The following GTF3C1 variants were observed in gnomAD, a reference collection of about 807,000 sequenced individuals.
GTF3C1 encodes general transcription factor 3C polypeptide 1.
GTF3C1 carries 57 observed loss-of-function variants against 226.7 expected under a neutral mutation model. That is an observed-to-expected ratio of 0.25 (90% CI 0.20 to 0.31). The LOEUF is 0.31. Among genes scored for constraint, GTF3C1 ranks in the 10% least tolerant of loss-of-function variants. GTF3C1 has a pLI of 1.00. For missense variants in GTF3C1, 2,217 were observed against 2,776.1 expected (o/e 0.80, Z 4.53); for synonymous variants, 1,090 against 1,084.8 (o/e 1.00, Z -0.09).
chr16:27,548,344 T>C (rs1159972367), intron 1 of GTF3C1, among the ~76,000 whole-genome samples: 1 of 152,210 alleles, frequency 6.6e-6, no homozygotes, highest in Non-Finnish European at 1.5e-5. Context: ...CTCAGCTCAC[T>C]GAAACCTCTG....
intron 6 of GTF3C1, among the ~76,000 whole-genome samples, chr16:27,514,268 C>G (rs1249811976): frequency 6.6e-6 from 1 of 152,246 alleles, no homozygotes; most frequent in Admixed American, 6.5e-5. Context: ...GGGCTCCTGC[C>G]GTCCCTCTTG....
intron 24 of GTF3C1, among the ~76,000 whole-genome samples, chr16:27,485,561 G>T (rs546137164): frequency 1.3e-5 from 2 of 152,336 alleles, no homozygotes; most frequent in East Asian, 3.9e-4. Context: ...GCAGGCCAGG[G>T]TTAGACTACT....
intron 6 of GTF3C1, among the ~76,000 whole-genome samples, chr16:27,519,084 G>A (rs1354083949): frequency 1.3e-5 from 2 of 152,138 alleles, no homozygotes; most frequent in Admixed American, 6.5e-5. Context: ...GACAGGATGG[G>A]GCTAGGCAGG....
rs763054889 is a variant in GTF3C1 at position 27,464,388 on chromosome 16, A to C, written c.5804T>G (p.Phe1935Cys). Residue 1935 changes from phenylalanine (F) to cysteine (C), a missense_variant, in exon 34 of 37, where the codon TTC (phenylalanine) becomes TGC (cysteine). This residue lies in a region of GTF3C1 where 455 missense variants were observed against 441.9 expected (regional missense o/e 1.03). Coordinates refer to ENST00000356183, the MANE Select transcript of GTF3C1 (RefSeq NM_001520.4). Reference sequence around the variant, plus strand: ...CAGCTGCTCTTGGCCTGGGGAACTGAACTCACCGACACCCTCTTGGTCTTC... The same window carrying C: ...CAGCTGCTCTTGGCCTGGGGAACTGCACTCACCGACACCCTCTTGGTCTTC... Reference protein sequence around the residue: ...AQEDQEGVGEFSSPGQEQLSG... With the variant: ...AQEDQEGVGECSSPGQEQLSG... 2 of 1,592,772 alleles carry C rather than the reference A, an allele frequency of 1.3e-6. 1 individual carries two copies. Among genetic ancestry groups the C allele is most frequent in the South Asian group, 2.3e-5 (2 of 87,766 alleles).
chr16:27,503,343 C>A (rs910461002), intron 10 of GTF3C1, among the ~76,000 whole-genome samples: 1 of 152,316 alleles, frequency 6.6e-6, no homozygotes, highest in South Asian at 2.1e-4. Context: ...AACTGATGTA[C>A]AGACAATTAC....
chr16:27,528,746 AC>A (rs1392805948), intron 5 of GTF3C1, 25 bp from the exon 6 acceptor site: 1 of 1,607,738 alleles, frequency 6.2e-7, no homozygotes, highest in African/African-American at 1.3e-5. Context: ...TTTAAAGGCT[AC>A]TATTAGACAC....
At chr16:27,504,942 TTAATTAAAAAAA>T (rs2088461386) in intron 10 of GTF3C1, among the ~76,000 whole-genome samples, 1 of 151,896 alleles carries the variant, frequency 6.6e-6, no homozygotes, top group South Asian at 2.1e-4. Context: ...AAAAAATTAA[TTAATTAAAAAAA>T]TACATAAAGA....
Position 27,492,784 on chromosome 16 carries a change from G to T in GTF3C1, c.2877-71C>A. The T allele has an allele frequency of 1.2e-6, 1 of 862,938 alleles. No homozygotes were observed. Among genetic ancestry groups the T allele is most frequent in the South Asian group, 1.3e-5 (1 of 75,792 alleles). 53.5% of individuals were successfully genotyped at this position (862,938 alleles called of 1,614,324 possible). A position where few individuals can be genotyped will look rare whatever the true frequency, so the allele number is the denominator to read the frequency against. Reference sequence around the variant, plus strand: ...AGCCGGCCGCAGGGGTCTGCATGTGGGGTGAGGGGTGCGACTTCCTTCTTC... The same window carrying T: ...AGCCGGCCGCAGGGGTCTGCATGTGTGGTGAGGGGTGCGACTTCCTTCTTC... On this transcript the variant is annotated intron_variant, in intron 17 of 36. Coordinates refer to ENST00000356183, the MANE Select transcript of GTF3C1 (RefSeq NM_001520.4). This position sits in a 1 kb window ranked among gnomAD's most constrained non-coding sequence, Gnocchi z 5.0.
chr16:27,488,929 C>T (rs2088187147), intron 21 of GTF3C1, 114 bp downstream of exon 21: 7 of 974,112 alleles, frequency 7.2e-6, no homozygotes, highest in Admixed American at 1.8e-5. Flanking sequence ...AGGGGCCTGA[C>T]GCACCTTCAA....
At chr16:27,476,809 C>T (rs1596619142) in intron 28 of GTF3C1, among the ~76,000 whole-genome samples, 2 of 152,174 alleles carry the variant, frequency 1.3e-5, no homozygotes, top group Non-Finnish European at 2.9e-5. Flanking sequence ...TAGTACTTCT[C>T]GTTTCTTTCC....
At chr16:27,537,022 T>C (rs1259769514) in intron 4 of GTF3C1, among the ~76,000 whole-genome samples, 1 of 152,218 alleles carries the variant, frequency 6.6e-6, no homozygotes, top group Non-Finnish European at 1.5e-5. Flanking sequence ...TGTGCACATT[T>C]TACCAGTTTG....
chr16:27,545,894 G>A (rs1297847786), intron 1 of GTF3C1, among the ~76,000 whole-genome samples: 5 of 152,142 alleles, frequency 3.3e-5, no homozygotes, highest in Non-Finnish European at 2.9e-5. Flanking sequence ...TGTTGCCCAG[G>A]CTAGAGTCCA....
intron 6 of GTF3C1, among the ~76,000 whole-genome samples, chr16:27,517,883 C>A (rs1480558768): frequency 6.6e-6 from 1 of 152,162 alleles, no homozygotes; most frequent in African/African-American, 2.4e-5. Flanking sequence ...CACTAGGCCA[C>A]CTGGCTAGGC....
rs747510711 is a variant in GTF3C1, at chr16:27,549,762, C to A, written c.129G>T (p.Thr43=). 2 of 1,612,752 alleles carry A rather than the reference C, an allele frequency of 1.2e-6. No individual in the cohort carries two copies. Residue 43 remains threonine (T), a synonymous_variant, in exon 1 of 37, where the codon ACG becomes ACT. Coordinates refer to ENST00000356183, the MANE Select transcript of GTF3C1 (RefSeq NM_001520.4). ...PPFPLPLEPC[T]QEFLWRALAT... ...CGAGGGCCCGCCAGAGAAACTCCTG[C>A]GTGCAGGGTTCCAAAGGCAGCGGGA...
chr16:27,476,371 A>T (rs2087950150), intron 29 of GTF3C1, 80 bp downstream of exon 29: 1 of 839,380 alleles, frequency 1.2e-6, no homozygotes, highest in Non-Finnish European at 2.0e-6. Context: ...ACAGCGGAGA[A>T]GGGCAGGGGC....
chr16:27,472,172 GGAACT>G (rs1428307054), intron 29 of GTF3C1, among the ~76,000 whole-genome samples: 1 of 152,112 alleles, frequency 6.6e-6, no homozygotes, highest in Non-Finnish European at 1.5e-5. Context: ...CAAAGGACAG[GGAACT>G]GACGAGACAG....
At chr16:27,498,533 C>T (rs1596635416) in intron 13 of GTF3C1, 97 bp downstream of exon 13, 6 of 754,270 alleles carry the variant, frequency 8.0e-6, no homozygotes, top group Non-Finnish European at 1.2e-5. Flanking sequence ...TTCACTGATC[C>T]ATGCAGGTAT....
intron 14 of GTF3C1, 47 bp from the exon 15 acceptor site, chr16:27,495,539 A>C (rs377090685): frequency 1.3e-4 from 203 of 1,551,950 alleles, no homozygotes; most frequent in Non-Finnish European, 2.5e-5. Context: ...TCCCATACTG[A>C]ATTCAGTTTT....
chr16:27,492,064 C>T lies in GTF3C1; in HGVS notation c.3151+274G>A, dbSNP rs545759872. 2.0e-5 allele frequency among the ~76,000 whole-genome samples: 3 copies of T among 152,182 alleles called. No individual in the cohort carries two copies. The highest frequency in any genetic ancestry group is 2.0e-4 in the Admixed American group (3 of 15,284). ...GTCAGGCACAGGAAGTGACACACAGCCGGTGTGTTTAATAAATACCTACTC... is the reference window on the plus strand; with the variant it reads ...GTCAGGCACAGGAAGTGACACACAGTCGGTGTGTTTAATAAATACCTACTC... On this transcript the variant is annotated intron_variant, in intron 19 of 36. Coordinates refer to ENST00000356183, the MANE Select transcript of GTF3C1 (RefSeq NM_001520.4). The surrounding 1 kb of genome is among the most constrained non-coding windows in gnomAD (Gnocchi z 5.0).
Sources: allele counts gnomAD v4.1 joint callset (sites outside exome capture counted in the v4.1 genomes callset), GRCh38; gene constraint gnomAD v4.1.1; regional missense constraint gnomAD v4.1.1; non-coding constraint Gnocchi (gnomAD v3.1); transcripts MANE v1.5; gene names NCBI Gene and HGNC (gene_info 2026-07-23, HGNC 2026-07-21).